The following MYO1H variants were observed in gnomAD, a reference collection of about 807,000 sequenced individuals.
The protein encoded by MYO1H is unconventional myosin-Ih.
A neutral mutation model predicts 149.3 loss-of-function variants in MYO1H; 118 were observed. That is an observed-to-expected ratio of 0.79 (90% CI 0.68 to 0.92). MYO1H has a LOEUF of 0.92. Among genes scored for constraint, MYO1H ranks in the 40% least tolerant of loss-of-function variants. The pLI, the probability that MYO1H is intolerant of heterozygous loss-of-function variation, is 0.00. For synonymous variants in MYO1H, 447 were observed against 465.2 expected (o/e 0.96, Z 0.50); for missense variants, 1,212 against 1,280.7 (o/e 0.95, Z 0.82).
intron 1 of MYO1H, 118 bp downstream of exon 1, chr12:109,348,090 T>G (rs1868375492): frequency 2.5e-6 from 1 of 398,686 alleles, no homozygotes; most frequent in Non-Finnish European, 4.4e-6. Flanking sequence ...ACTGGGCGTG[T>G]GAATAAGATT....
chr12:109,443,560 G>A lies in MYO1H; in HGVS notation c.2735G>A (p.Arg912Gln), dbSNP rs779390525. The A allele has an allele frequency of 1.3e-5, 21 of 1,613,658 alleles. No individual in the cohort carries two copies. The highest frequency in any genetic ancestry group is 5.3e-5 in the African/African-American group (4 of 74,864). ...TATGACAGAAAAGGCTTCAAAGCAC[G>A]GCAGCGGCAACTCATTCTTACTCAG... Residue 912 changes from arginine (R) to glutamine (Q), a missense_variant, in exon 28 of 32, where the codon CGG (arginine) becomes CAG (glutamine). Coordinates refer to ENST00000310903, the Ensembl canonical transcript of MYO1H.
intron 15 of MYO1H, among the ~76,000 whole-genome samples, chr12:109,419,736 G>C (rs1273171688): frequency 6.6e-6 from 1 of 151,780 alleles, no homozygotes; most frequent in Non-Finnish European, 1.5e-5. Flanking sequence ...TATTTGTGTA[G>C]AGACAGGCTA....
chr12:109,372,416 C>G (rs1869002196), intron 1 of MYO1H, among the ~76,000 whole-genome samples: 1 of 152,014 alleles, frequency 6.6e-6, no homozygotes, highest in African/African-American at 2.4e-5. Flanking sequence ...AAAATTCACA[C>G]TTTTTAGATG....
Position 109,411,990 on chromosome 12 carries a change from A to C in MYO1H, c.1502+5A>C. 1 of 1,572,772 alleles carries C rather than the reference A, an allele frequency of 6.4e-7. No individual in the cohort carries two copies. On this transcript the variant is annotated splice_donor_5th_base_variant and intron_variant, in intron 14 of 31. Transcript: ENST00000310903. ...CAAACATGCACACTTCGAAACGTAC[A>C]TACTTTATTTTACCAGATTTTGCAT...
intron 23 of MYO1H, among the ~76,000 whole-genome samples, chr12:109,439,073 GTTGTTTGTTTTTT>G (rs796778452): frequency 0.051 from 144 of 2,828 alleles, no homozygotes; most frequent in African/African-American, 0.21. Context: ...TTTTGTTGTT[GTTGTTTGTTTTTT>G]TTGTTTGAGA....
At chr12:109,351,325 C>T (rs1025729261) in intron 1 of MYO1H, among the ~76,000 whole-genome samples, 1 of 152,178 alleles carries the variant, frequency 6.6e-6, no homozygotes, top group Non-Finnish European at 1.5e-5. Flanking sequence ...ACTTTCCTCC[C>T]ATCAGCCTCT....
chr12:109,445,329 T>A (rs908466080), intron 30 of MYO1H, 184 bp from the exon 31 acceptor site: 5 of 552,544 alleles, frequency 9.0e-6, no homozygotes, highest in Non-Finnish European at 1.6e-5. Flanking sequence ...TACAGAAACA[T>A]GTAAGTTGCC....
At chr12:109,335,783 C>T in the MYO1H span, among the ~76,000 whole-genome samples, 20 of 152,146 alleles carry the variant, frequency 1.3e-4, no homozygotes, top group African/African-American at 4.6e-4. Flanking sequence ...CATTTCTTTC[C>T]AATATTAGTG....
intron 16 of MYO1H, among the ~76,000 whole-genome samples, chr12:109,423,662 C>T (rs1871259866): frequency 2.6e-5 from 4 of 152,134 alleles, no homozygotes; most frequent in African/African-American, 7.2e-5. Flanking sequence ...CTCTAGGGAC[C>T]TTATATGAGT....
At chr12:109,428,086 A>G (rs1266238313) in intron 19 of MYO1H, among the ~76,000 whole-genome samples, 2 of 148,682 alleles carry the variant, frequency 1.3e-5, no homozygotes, top group Non-Finnish European at 3.0e-5. Flanking sequence ...GAACCATCTC[A>G]AAAACAAAAC....
intron 1 of MYO1H, among the ~76,000 whole-genome samples, chr12:109,353,351 G>A (rs979162027): frequency 3.2e-5 from 4 of 123,498 alleles, no homozygotes; most frequent in African/African-American, 9.2e-5. Context: ...CCGATATTGC[G>A]CCATTGCACT....
At chr12:109,354,165 A>T (rs1868529390) in intron 1 of MYO1H, 1 of 152,234 alleles carries the variant, frequency 6.6e-6, no homozygotes, top group Non-Finnish European at 1.5e-5. Context: ...TCAGTGCAAT[A>T]GCAAAATTCA....
chr12:109,355,453 C>T (rs1291901509), intron 1 of MYO1H, among the ~76,000 whole-genome samples: 4 of 152,058 alleles, frequency 2.6e-5, no homozygotes, highest in Non-Finnish European at 5.9e-5. Flanking sequence ...TGTGGATGCT[C>T]GAACTGCATC....
intron 8 of MYO1H, among the ~76,000 whole-genome samples, chr12:109,406,534 C>T (rs1362020199): frequency 2.0e-5 from 3 of 148,394 alleles, no homozygotes; most frequent in Non-Finnish European, 3.0e-5. Flanking sequence ...CCTGTAGTCC[C>T]AGCTACTCAG....
At position 109,362,636 on chromosome 12, in the gene MYO1H, C is replaced by T. The variant is rs115246113; in HGVS notation, c.12+14664C>T. On this transcript the variant is annotated intron_variant, in intron 1 of 31. Transcript: ENST00000310903. Reference sequence around the variant, plus strand: ...ACAAAAGAGGATGGGTTTGATCTAACGGTAATAAACCGGGAGAAACTTAGC... The same window carrying T: ...ACAAAAGAGGATGGGTTTGATCTAATGGTAATAAACCGGGAGAAACTTAGC... Among the ~76,000 whole-genome samples, 1,464 of 152,270 alleles carry T rather than the reference C, an allele frequency of 9.6e-3. 21 individuals carry two copies. The highest frequency in any genetic ancestry group is 0.033 in the African/African-American group (1,372 of 41,538).
At chr12:109,358,904 T>C (rs1478677997) in intron 1 of MYO1H, among the ~76,000 whole-genome samples, 1 of 127,408 alleles carries the variant, frequency 7.8e-6, no homozygotes, top group Non-Finnish European at 1.6e-5. Context: ...ACCTTTCCAA[T>C]AGGGTTTTGG....
intron 1 of MYO1H, among the ~76,000 whole-genome samples, chr12:109,383,333 A>C (rs536036841): frequency 1.3e-5 from 2 of 152,332 alleles, no homozygotes; most frequent in African/African-American, 4.8e-5. Context: ...CAGCTGGCCA[A>C]GTTTAACATG....
intron 1 of MYO1H, among the ~76,000 whole-genome samples, chr12:109,375,950 G>A (rs948577904): frequency 1.3e-5 from 2 of 152,164 alleles, no homozygotes; most frequent in Non-Finnish European, 2.9e-5. Flanking sequence ...CTACACTTCG[G>A]CGTGGGCAAC....
chr12:109,391,391 TC>T (rs1319846700), intron 2 of MYO1H, among the ~76,000 whole-genome samples: 3 of 152,230 alleles, frequency 2.0e-5, no homozygotes, highest in Non-Finnish European at 4.4e-5. Flanking sequence ...TACTTCCATG[TC>T]CCAGCAAAGG....
Sources: allele counts gnomAD v4.1 joint callset (sites outside exome capture counted in the v4.1 genomes callset), GRCh38; gene constraint gnomAD v4.1.1; transcripts MANE v1.5; gene names NCBI Gene and HGNC (gene_info 2026-07-23, HGNC 2026-07-21).